CDH12: variants seen among roughly 807,000 people sequenced by gnomAD.
CDH12 encodes the protein cadherin 12.
In CDH12, 41 loss-of-function variants were observed where a neutral mutation model predicts 74.1. The observed-to-expected ratio is 0.55, with a 90% CI of 0.43 to 0.72. CDH12 has a LOEUF of 0.72. Ranked by LOEUF, CDH12 falls within the 30% of genes least tolerant of loss-of-function variation. The pLI is 0.00. For synonymous variants in CDH12, 399 were observed against 355.0 expected, an observed-to-expected ratio of 1.12 and a Z score of -1.39; for missense variants, 945 against 977.2, an observed-to-expected ratio of 0.97 and a Z score of 0.44.
chr5:22,658,177 C>G (rs566137308), intron 1 of CDH12, among the ~76,000 whole-genome samples: 6 of 152,128 alleles, frequency 3.9e-5, no homozygotes, highest in African/African-American at 1.2e-4. Context: ...TTTTCCATGG[C>G]TATCATAACA....
intron 4 of CDH12, among the ~76,000 whole-genome samples, chr5:22,122,235 T>G (rs1206866604): frequency 1.3e-5 from 2 of 152,096 alleles, no homozygotes; most frequent in East Asian, 3.9e-4. Flanking sequence ...AAACCCCGTC[T>G]CTACTAAAAA....
chr5:22,514,262 T>C (rs1015553451), intron 1 of CDH12, among the ~76,000 whole-genome samples: 9 of 151,586 alleles, frequency 5.9e-5, no homozygotes, highest in African/African-American at 1.9e-4. Flanking sequence ...ATTAGAAAAG[T>C]CACCAAAATA....
chr5:22,576,124 G>C (rs1739776576), intron 1 of CDH12, among the ~76,000 whole-genome samples: 1 of 152,170 alleles, frequency 6.6e-6, no homozygotes, highest in Non-Finnish European at 1.5e-5. Context: ...GTGTTCTCAG[G>C]ATATACAAAC....
chr5:22,491,958 A>G (rs1561444944), intron 2 of CDH12, among the ~76,000 whole-genome samples: 6 of 152,170 alleles, frequency 3.9e-5, no homozygotes, highest in Non-Finnish European at 7.3e-5. Context: ...CATAAATCAC[A>G]TTGGATTAGG....
chr5:21,939,644 G>A (rs191752402), intron 6 of CDH12, among the ~76,000 whole-genome samples: 1 of 151,984 alleles, frequency 6.6e-6, no homozygotes, highest in Non-Finnish European at 1.5e-5. Flanking sequence ...ACAAATAAGG[G>A]AGTTATATGA....
In CDH12 at chr5:22,816,796, G is replaced by A. The variant is rs117964929; in HGVS notation, c.-523+36262C>T. 1.8e-4 allele frequency among the ~76,000 whole-genome samples: 28 copies of A among 152,192 alleles called. No homozygotes were observed. In the East Asian group the frequency reaches 5.4e-3, roughly 29 times the overall value. On this transcript the variant is annotated intron_variant, in intron 1 of 14. Transcript: ENST00000382254. ...AAGTCAGTGGGAGGTAAATTTCTGT[G>A]TGTCTATCCACTGATATTTGGGTAG... is the stretch of plus-strand genomic sequence containing the variant.
chr5:21,863,557 A>C (rs1242763816), intron 6 of CDH12, among the ~76,000 whole-genome samples: 1 of 152,190 alleles, frequency 6.6e-6, no homozygotes, highest in Non-Finnish European at 1.5e-5. Flanking sequence ...TATAGTACTC[A>C]CATAGACTTT....
intron 6 of CDH12, among the ~76,000 whole-genome samples, chr5:21,891,028 AATG>A (rs1185357381): frequency 2.6e-5 from 4 of 152,078 alleles, no homozygotes; most frequent in Admixed American, 2.0e-4. Context: ...AATTCCAATA[AATG>A]ATGATAAGCC....
rs748647822 is a variant in CDH12 at position 21,975,336 on chromosome 5, G to A, written c.281C>T (p.Ser94Leu). Residue 94 changes from serine to leucine, a missense_variant, in exon 6 of 15, where the codon TCA becomes TTA. Around this residue, in one of 3 missense-constraint regions of CDH12, gnomAD observed 148 missense variants for 162.8 expected, o/e 0.91. Coordinates refer to ENST00000382254, the MANE Select transcript of CDH12 (RefSeq NM_004061.5). ...KGEGTVKYTL[S>L]GDGAGTVFTI... Reference sequence around the variant, plus strand: ...AAAAACGGTGCCAGCGCCATCTCCTGAGAGGGTGTATTTCACAGTGCCCTC... The same window carrying A: ...AAAAACGGTGCCAGCGCCATCTCCTAAGAGGGTGTATTTCACAGTGCCCTC... 2.5e-6 allele frequency: 4 copies of A among 1,597,174 alleles called. No homozygotes were observed. The highest frequency in any genetic ancestry group is 3.4e-6 in the Non-Finnish European group (4 of 1,179,540).
At chr5:22,268,914 T>G (rs904852692) in intron 3 of CDH12, among the ~76,000 whole-genome samples, 2 of 152,076 alleles carry the variant, frequency 1.3e-5, no homozygotes, top group African/African-American at 4.8e-5. Context: ...AGTGAGTAAA[T>G]GCACATAAAT....
chr5:22,121,062 G>A (rs749568614), intron 4 of CDH12, among the ~76,000 whole-genome samples: 1 of 152,140 alleles, frequency 6.6e-6, no homozygotes, highest in Non-Finnish European at 1.5e-5. Context: ...GCAAAACAGT[G>A]AGTTTATGTT....
chr5:22,640,484 C>T lies in CDH12; in HGVS notation c.-522-135120G>A, dbSNP rs114966047. 7.1e-3 allele frequency among the ~76,000 whole-genome samples: 1,074 copies of T among 152,292 alleles called. 10 individuals carry two copies. The highest frequency in any genetic ancestry group is 0.025 in the African/African-American group (1,031 of 41,540). ...TTCTCCTCTACTTCTTTGCCCTAAT[C>T]GCACCAAAGCACCCATAATTATTTG... On this transcript the variant is annotated intron_variant, in intron 1 of 14. Transcript: ENST00000382254.
At chr5:22,040,912 G>T (rs889623805) in intron 5 of CDH12, among the ~76,000 whole-genome samples, 1 of 151,868 alleles carries the variant, frequency 6.6e-6, no homozygotes, top group Non-Finnish European at 1.5e-5. Flanking sequence ...ATACCCCAAG[G>T]CTGTTATAGT....
intron 1 of CDH12, among the ~76,000 whole-genome samples, chr5:22,713,255 C>G (rs985176484): frequency 1.3e-5 from 2 of 148,748 alleles, no homozygotes; most frequent in Non-Finnish European, 3.0e-5. Flanking sequence ...ATTCTCTTGC[C>G]TCAGCCTCCC....
chr5:22,018,772 G>A (rs1184221038), intron 5 of CDH12, among the ~76,000 whole-genome samples: 1 of 152,100 alleles, frequency 6.6e-6, no homozygotes, highest in African/African-American at 2.4e-5. Context: ...GTGAACAGGT[G>A]TTACGTTCAG....
rs117606083 is a variant in CDH12, at chr5:22,348,073, G to A, written c.-333+57184C>T. Among the ~76,000 whole-genome samples, 256 of 152,286 alleles carry A rather than the reference G, an allele frequency of 1.7e-3. 3 individuals carry two copies. The highest frequency in any genetic ancestry group is 0.012 in the Admixed American group (188 of 15,296). ...CTCATTGTGAAGGGCAAATCTGAAA[G>A]CTGTTATTATGGAGAAGGTCATTTT... On this transcript the variant is annotated intron_variant, in intron 3 of 14. Coordinates refer to ENST00000382254, the MANE Select transcript of CDH12 (RefSeq NM_004061.5).
chr5:22,286,047 A>G (rs1580482623), intron 3 of CDH12, among the ~76,000 whole-genome samples: 2 of 152,264 alleles, frequency 1.3e-5, no homozygotes, highest in Middle Eastern at 3.4e-3. Context: ...GGTATTGACA[A>G]TATAAATACT....
intron 4 of CDH12, among the ~76,000 whole-genome samples, chr5:22,176,601 T>C (rs1440933945): frequency 6.6e-6 from 1 of 152,168 alleles, no homozygotes; most frequent in African/African-American, 2.4e-5. Flanking sequence ...GTCTTTTCAA[T>C]ACTTGCACTT....
Position 21,812,377 on chromosome 5 carries a change from A to T in CDH12, c.1002+4568T>A, listed in dbSNP as rs577740803. Among the ~76,000 whole-genome samples, 80 of 152,186 alleles carry T rather than the reference A, an allele frequency of 5.3e-4. 1 individual carries two copies. The South Asian group carries it at 9.7e-3, about 19-fold the overall frequency. On this transcript the variant is annotated intron_variant, in intron 9 of 14. Coordinates refer to ENST00000382254, the MANE Select transcript of CDH12 (RefSeq NM_004061.5). ...CTTGTATTGCAATATTGAAGGGAAA[A>T]CCTTAACAAATAATTTAAGATCATT...
Sources: allele counts gnomAD v4.1 joint callset (sites outside exome capture counted in the v4.1 genomes callset), GRCh38; gene constraint gnomAD v4.1.1; regional missense constraint gnomAD v4.1.1; transcripts MANE v1.5; gene names NCBI Gene and HGNC (gene_info 2026-07-23, HGNC 2026-07-21).